The following SGCZ variants were observed in gnomAD, a reference collection of about 807,000 sequenced individuals.
SGCZ encodes zeta-sarcoglycan.
Under a neutral mutation model 41.3 loss-of-function variants are expected in SGCZ, and 40 were observed. The ratio of observed to expected loss-of-function variants is 0.97; its 90% CI spans 0.75 to 1.26. SGCZ has a LOEUF of 1.26. SGCZ is among the 50% of genes most tolerant of loss of function. The pLI, the probability that SGCZ is intolerant of heterozygous loss-of-function variation, is 0.00. For missense variants in SGCZ, 552 were observed against 369.8 expected (o/e 1.49, Z -4.04); for synonymous variants, 206 against 137.5 (o/e 1.50, Z -3.49).
At chr8:14,809,214 A>G (rs928335737) in intron 1 of SGCZ, among the ~76,000 whole-genome samples, 1 of 152,190 alleles carries the variant, frequency 6.6e-6, no homozygotes, top group African/African-American at 2.4e-5. Context: ...CATGTACCCT[A>G]AAACTTAAAG....
At chr8:15,016,164 G>A (rs899284588) in intron 1 of SGCZ, among the ~76,000 whole-genome samples, 8 of 152,054 alleles carry the variant, frequency 5.3e-5, no homozygotes, top group Non-Finnish European at 1.2e-4. Flanking sequence ...AAACATTTCT[G>A]GAATTCCTCT....
At chr8:14,812,443 A>G (rs1801765196) in intron 1 of SGCZ, among the ~76,000 whole-genome samples, 1 of 152,136 alleles carries the variant, frequency 6.6e-6, no homozygotes, top group Admixed American at 6.5e-5. Context: ...TTGTTTGTCA[A>G]CAAGGTAAAA....
chr8:14,378,881 C>G (rs1049229584), intron 2 of SGCZ, among the ~76,000 whole-genome samples: 29 of 152,114 alleles, frequency 1.9e-4, no homozygotes, highest in African/African-American at 6.3e-4. Context: ...TACATATTAA[C>G]AGACCTAAAA....
chr8:14,357,538 C>A (rs1316555934), intron 2 of SGCZ, among the ~76,000 whole-genome samples: 1 of 152,080 alleles, frequency 6.6e-6, no homozygotes, highest in South Asian at 2.1e-4. Flanking sequence ...TGAAGTAGAT[C>A]AGGAAGTAAC....
At chr8:14,310,006 CA>C (rs1225024772) in intron 3 of SGCZ, among the ~76,000 whole-genome samples, 1 of 151,832 alleles carries the variant, frequency 6.6e-6, no homozygotes, top group Middle Eastern at 3.4e-3. Context: ...CCACAATAGT[CA>C]AAAAAAAACT....
chr8:14,424,686 A>G (rs1799729379), intron 2 of SGCZ, among the ~76,000 whole-genome samples: 1 of 152,180 alleles, frequency 6.6e-6, no homozygotes, highest in East Asian at 1.9e-4. Flanking sequence ...TTAACCAATC[A>G]TCTGTTAATG....
chr8:14,304,191 C>T (rs74676488), intron 3 of SGCZ, among the ~76,000 whole-genome samples: 3,050 of 152,120 alleles, frequency 0.02, 30 homozygotes, highest in East Asian at 0.035. Flanking sequence ...ACTTGTAATT[C>T]CAGCACTCTA....
chr8:14,524,654 G>C (rs897334103), intron 2 of SGCZ, among the ~76,000 whole-genome samples: 10 of 151,918 alleles, frequency 6.6e-5, no homozygotes, highest in Admixed American at 2.0e-4. Context: ...CTCCTTCTTG[G>C]ATCATATTTA....
chr8:14,752,767 GAT>G (rs1250335021), intron 1 of SGCZ, among the ~76,000 whole-genome samples: 2 of 152,180 alleles, frequency 1.3e-5, no homozygotes. Context: ...TCACAAACAT[GAT>G]AGATTAGCTG....
intron 2 of SGCZ, among the ~76,000 whole-genome samples, chr8:14,471,562 A>G (rs1191097017): frequency 6.6e-6 from 1 of 152,128 alleles, no homozygotes; most frequent in African/African-American, 2.4e-5. Flanking sequence ...ATTTCCTCAA[A>G]TAAGGATTCC....
intron 1 of SGCZ, among the ~76,000 whole-genome samples, chr8:15,139,628 A>G (rs1206114625): frequency 6.6e-6 from 1 of 152,168 alleles, no homozygotes; most frequent in Non-Finnish European, 1.5e-5. Flanking sequence ...GTGTGACAAA[A>G]CCAGCTAAAG....
chr8:14,434,675 T>TATTC (rs1800037480), intron 2 of SGCZ, among the ~76,000 whole-genome samples: 1 of 152,098 alleles, frequency 6.6e-6, no homozygotes, highest in African/African-American at 2.4e-5. Context: ...CTTGTAGGGG[T>TATTC]CTTTTACCTC....
chr8:15,098,518 G>A (rs1002672008), intron 1 of SGCZ, among the ~76,000 whole-genome samples: 2 of 152,136 alleles, frequency 1.3e-5, no homozygotes, highest in Admixed American at 6.5e-5. Flanking sequence ...AGAATGCTTC[G>A]TATTTACAAT....
At chr8:14,374,471 AT>A (rs201487157) in intron 2 of SGCZ, among the ~76,000 whole-genome samples, 3,058 of 151,966 alleles carry the variant, frequency 0.02, 81 homozygotes, top group African/African-American at 0.056. Context: ...AACTAATTGA[AT>A]TTTTTTTTCC....
chr8:14,741,496 G>C (rs1476821576), intron 1 of SGCZ, among the ~76,000 whole-genome samples: 1 of 151,874 alleles, frequency 6.6e-6, no homozygotes, highest in South Asian at 2.1e-4. Context: ...GTAGTTTTAA[G>C]CATTTTAGCT....
intron 2 of SGCZ, among the ~76,000 whole-genome samples, chr8:14,472,222 T>C (rs1400669761): frequency 2.0e-5 from 3 of 152,118 alleles, no homozygotes; most frequent in Non-Finnish European, 4.4e-5. Context: ...AGTAATCTTT[T>C]TGAAATGATG....
chr8:14,462,698 T>C (rs1187215695), intron 2 of SGCZ, among the ~76,000 whole-genome samples: 3 of 151,950 alleles, frequency 2.0e-5, no homozygotes, highest in Non-Finnish European at 2.9e-5. Context: ...TTGTGCTCTT[T>C]GGGGTCCCAG....
At chr8:15,214,391 C>T (rs1172531894) in intron 1 of SGCZ, among the ~76,000 whole-genome samples, 1 of 152,074 alleles carries the variant, frequency 6.6e-6, no homozygotes, top group African/African-American at 2.4e-5. Flanking sequence ...AATCCCAACA[C>T]TGCTGCTTTT....
chr8:14,256,710 C>T (rs1160156029), intron 3 of SGCZ, among the ~76,000 whole-genome samples: 1 of 152,086 alleles, frequency 6.6e-6, no homozygotes, highest in Non-Finnish European at 1.5e-5. Flanking sequence ...TTTTATAGTA[C>T]CTAGTGTACC....
Sources: gnomAD v4.1 joint callset for allele counts (sites outside exome capture counted in the v4.1 genomes callset) on GRCh38, gnomAD v4.1.1 for gene constraint, MANE v1.5 for transcripts, NCBI Gene and HGNC (gene_info 2026-07-23, HGNC 2026-07-21) for gene names.